Variants in TMEM163 observed in about 807,000 individuals in gnomAD.
TMEM163 encodes the protein transmembrane protein 163.
Under a neutral mutation model 29.3 loss-of-function variants are expected in TMEM163, and 17 were observed. That is an observed-to-expected ratio of 0.58 (90% CI 0.40 to 0.87). The LOEUF is 0.87. TMEM163 is among the 40% of genes least tolerant of loss of function. TMEM163 has a pLI of 0.00. For synonymous variants in TMEM163, 157 were observed against 160.6 expected (o/e 0.98, Z 0.17); for missense variants, 303 against 381.5 (o/e 0.79, Z 1.71).
At chr2:134,552,265 A>AC in intron 2 of TMEM163, among the ~76,000 whole-genome samples, 174 bp from the exon 3 acceptor site, 1 of 152,320 alleles carries the variant, frequency 6.6e-6, no homozygotes, top group East Asian at 1.9e-4. Flanking sequence ...GTGAACTGAA[A>AC]AGATTCCCAG....
At chr2:134,572,861 A>T (rs550459737) in intron 2 of TMEM163, among the ~76,000 whole-genome samples, 1 of 152,362 alleles carries the variant, frequency 6.6e-6, no homozygotes, top group South Asian at 2.1e-4. Flanking sequence ...AATAAAAATG[A>T]TTGCTGCAGT....
At chr2:134,707,952 G>A (rs1348581896) in intron 2 of TMEM163, among the ~76,000 whole-genome samples, 1 of 149,306 alleles carries the variant, frequency 6.7e-6, no homozygotes, top group East Asian at 2.0e-4. Flanking sequence ...GCAATGGTGC[G>A]ATCTCAGCTC....
At chr2:134,568,650 A>G (rs1681353928) in intron 2 of TMEM163, among the ~76,000 whole-genome samples, 1 of 151,724 alleles carries the variant, frequency 6.6e-6, no homozygotes, top group Non-Finnish European at 1.5e-5. Flanking sequence ...AGAAAAGGAG[A>G]AAAAAGAAGG....
At chr2:134,532,918 A>T (rs1680445985) in intron 4 of TMEM163, among the ~76,000 whole-genome samples, 1 of 152,230 alleles carries the variant, frequency 6.6e-6, no homozygotes, top group Non-Finnish European at 1.5e-5. Flanking sequence ...ATACTTTGGG[A>T]GTGACAGGTC....
intron 2 of TMEM163, among the ~76,000 whole-genome samples, chr2:134,567,075 A>G (rs951431108): frequency 3.9e-5 from 6 of 152,216 alleles, no homozygotes; most frequent in Non-Finnish European, 1.5e-5. Flanking sequence ...CAAGGTTGAA[A>G]GGCAGCTCTC....
intron 2 of TMEM163, among the ~76,000 whole-genome samples, chr2:134,682,235 T>C (rs1684262225): frequency 6.6e-6 from 1 of 152,172 alleles, no homozygotes; most frequent in Admixed American, 6.5e-5. Flanking sequence ...TTACATCTCT[T>C]GCAGAACCCA....
intron 2 of TMEM163, among the ~76,000 whole-genome samples, chr2:134,609,821 G>A (rs1241257492): frequency 1.8e-5 from 2 of 113,570 alleles, no homozygotes; most frequent in African/African-American, 3.5e-5. Flanking sequence ...GTGAAAAGGA[G>A]GACAGATCCC....
At chr2:134,567,226 T>G (rs1437972118) in intron 2 of TMEM163, among the ~76,000 whole-genome samples, 1 of 152,202 alleles carries the variant, frequency 6.6e-6, no homozygotes, top group Non-Finnish European at 1.5e-5. Flanking sequence ...ACATAGCCAC[T>G]GAGAATCAGT....
At chr2:134,661,793 G>A (rs567852884) in intron 2 of TMEM163, among the ~76,000 whole-genome samples, 1 of 152,192 alleles carries the variant, frequency 6.6e-6, no homozygotes, top group East Asian at 1.9e-4. Context: ...GAACCCAAAG[G>A]CCCTAGTTCT....
intron 5 of TMEM163, among the ~76,000 whole-genome samples, chr2:134,473,008 G>A (rs1445972967): frequency 2.6e-5 from 4 of 152,010 alleles, no homozygotes; most frequent in African/African-American, 9.7e-5. Context: ...TAAGTCACCA[G>A]GGAAATTACA....
chr2:134,577,598 G>A (rs1681588144), intron 2 of TMEM163, among the ~76,000 whole-genome samples: 1 of 152,118 alleles, frequency 6.6e-6, no homozygotes, highest in Non-Finnish European at 1.5e-5. Flanking sequence ...GGAGAGAGGG[G>A]GCAGGAAAGG....
At position 134,516,476 on chromosome 2, in the gene TMEM163, A is replaced by C. The variant is rs541213294; in HGVS notation, c.459-13479T>G. On this transcript the variant is annotated intron_variant, in intron 4 of 7. Coordinates refer to ENST00000281924, the MANE Select transcript of TMEM163 (RefSeq NM_030923.5). The stretch of plus-strand genomic sequence containing the variant: ...CTCGGGAAGTTGAGACAGCAGAATC[A>C]CTTGAACTCAGGAGGCAGAGGTTGT... 2.0e-5 allele frequency among the ~76,000 whole-genome samples: 3 copies of C among 151,900 alleles called. 1 individual carries two copies. In the South Asian group the frequency reaches 6.2e-4, roughly 32 times the overall value.
chr2:134,537,989 G>A (rs1385866969), intron 4 of TMEM163, among the ~76,000 whole-genome samples: 1 of 152,240 alleles, frequency 6.6e-6, no homozygotes, highest in Non-Finnish European at 1.5e-5. Context: ...TGAGAAGTTG[G>A]AGCCTTCGTA....
intron 2 of TMEM163, among the ~76,000 whole-genome samples, chr2:134,586,400 T>C (rs1205136701): frequency 6.6e-6 from 1 of 152,198 alleles, no homozygotes. Context: ...CTGGCAAACT[T>C]TGGCATTCCT....
chr2:134,688,580 G>T (rs1029382129), intron 2 of TMEM163, among the ~76,000 whole-genome samples: 2 of 152,130 alleles, frequency 1.3e-5, no homozygotes, highest in South Asian at 2.1e-4. Flanking sequence ...GTTTGGAAGA[G>T]AAATAATTTT....
chr2:134,604,179 T>C (rs1682297980), intron 2 of TMEM163, among the ~76,000 whole-genome samples: 1 of 152,038 alleles, frequency 6.6e-6, no homozygotes, highest in Non-Finnish European at 1.5e-5. Context: ...AAACCTCCCA[T>C]GAAAAGCATT....
chr2:134,583,001 A>T (rs1041050704), intron 2 of TMEM163, among the ~76,000 whole-genome samples: 1 of 152,190 alleles, frequency 6.6e-6, no homozygotes, highest in Non-Finnish European at 1.5e-5. Context: ...ACTAAAACAT[A>T]TTTCTCTATT....
At chr2:134,551,227 G>C (rs1056589612) in intron 3 of TMEM163, among the ~76,000 whole-genome samples, 20 of 151,794 alleles carry the variant, frequency 1.3e-4, no homozygotes, top group African/African-American at 4.8e-4. Context: ...TGTGTTTCTG[G>C]GTGTGTGTGT....
At chr2:134,716,839 C>A (rs1685049131) in intron 1 of TMEM163, among the ~76,000 whole-genome samples, 1 of 152,180 alleles carries the variant, frequency 6.6e-6, no homozygotes, top group African/African-American at 2.4e-5. Context: ...TACTGGTTGC[C>A]ATCAGGAAGA....
Sources: gnomAD v4.1 joint callset for allele counts (sites outside exome capture counted in the v4.1 genomes callset) on GRCh38, gnomAD v4.1.1 for gene constraint, MANE v1.5 for transcripts, NCBI Gene and HGNC (gene_info 2026-07-23, HGNC 2026-07-21) for gene names.